CFAP44: variants seen among roughly 807,000 people sequenced by gnomAD.
CFAP44 encodes cilia- and flagella-associated protein 44.
A neutral mutation model predicts 216.2 loss-of-function variants in CFAP44; 134 were observed. The ratio of observed to expected loss-of-function variants is 0.62; its 90% CI spans 0.54 to 0.72. CFAP44 has a LOEUF of 0.72. Ranked by LOEUF, CFAP44 falls within the 30% of genes least tolerant of loss-of-function variation. The pLI, the probability that CFAP44 is intolerant of heterozygous loss-of-function variation, is 0.00. For synonymous variants in CFAP44, 700 were observed against 727.6 expected (o/e 0.96, Z 0.61); for missense variants, 2,035 against 2,182.1 (o/e 0.93, Z 1.34).
intron 25 of CFAP44, among the ~76,000 whole-genome samples, chr3:113,333,080 G>C (rs1296447216): frequency 6.6e-6 from 1 of 152,060 alleles, no homozygotes; most frequent in African/African-American, 2.4e-5. Context: ...GTCAAACTCC[G>C]ACCTAGATTA....
rs759624707 is a variant in CFAP44 at position 113,396,627 on chromosome 3, C to A, written c.1670G>T (p.Arg557Leu). The A allele has an allele frequency of 2.5e-6, 4 of 1,613,878 alleles. No individual in the cohort carries two copies. The highest frequency in any genetic ancestry group is 2.7e-5 in the African/African-American group (2 of 74,882). Residue 557 changes from arginine (R) to leucine (L), a missense_variant, in exon 14 of 35, where the codon CGG becomes CTG. By Grantham distance (102) the Arg-to-Leu change is moderately radical. Transcript: ENST00000393845. ...DPKGLTIFAG[R>L]KKILDADIQL... ...AATATCAGCATCCAAAATTTTCTTC[C>A]GTCCCGCAAAAATCGTGAGCCCTTT...
chr3:113,363,745 T>C (rs1265607657), intron 19 of CFAP44, among the ~76,000 whole-genome samples: 2 of 152,158 alleles, frequency 1.3e-5, no homozygotes, highest in Non-Finnish European at 2.9e-5. Context: ...TTTGAAGGAG[T>C]ACATAGGAAA....
intron 5 of CFAP44, among the ~76,000 whole-genome samples, chr3:113,418,517 A>T (rs1314860044): frequency 6.6e-6 from 1 of 152,168 alleles, no homozygotes; most frequent in Non-Finnish European, 1.5e-5. Flanking sequence ...TAGCCTTGCT[A>T]AAGTATTTCT....
chr3:113,384,220 G>A (rs898572184), intron 15 of CFAP44, among the ~76,000 whole-genome samples: 1 of 151,956 alleles, frequency 6.6e-6, no homozygotes, highest in Non-Finnish European at 1.5e-5. Context: ...CACCACGCCT[G>A]GGTAATTTTT....
At chr3:113,331,831 T>G (rs916828134) in intron 25 of CFAP44, among the ~76,000 whole-genome samples, 2 of 152,064 alleles carry the variant, frequency 1.3e-5, no homozygotes, top group Non-Finnish European at 2.9e-5. Flanking sequence ...TTTAATACTT[T>G]TCAATGATTT....
chr3:113,374,131 T>G (rs9857471), intron 17 of CFAP44, among the ~76,000 whole-genome samples: 60,853 of 151,750 alleles, frequency 0.4, 13,450 homozygotes, highest in African/African-American at 0.58. Context: ...AGAAAGAGAA[T>G]GTAACATCAT....
chr3:113,347,125 C>A (rs1307983402), intron 22 of CFAP44, among the ~76,000 whole-genome samples: 1 of 152,100 alleles, frequency 6.6e-6, no homozygotes, highest in Non-Finnish European at 1.5e-5. Flanking sequence ...ATACTGGACA[C>A]CTGTCAGCCA....
intron 28 of CFAP44, among the ~76,000 whole-genome samples, chr3:113,310,936 ATGCCTCC>A (rs1950031754): frequency 6.6e-6 from 1 of 152,202 alleles, no homozygotes; most frequent in Non-Finnish European, 1.5e-5. Context: ...AGGTGCTGCC[ATGCCTCC>A]TTTATAGCCT....
intron 22 of CFAP44, among the ~76,000 whole-genome samples, chr3:113,355,207 A>C (rs549574883): frequency 6.6e-6 from 1 of 152,182 alleles, no homozygotes; most frequent in Non-Finnish European, 1.5e-5. Flanking sequence ...CTGTTCCCCC[A>C]AAAACCTATT....
Position 113,426,206 on chromosome 3 carries a change from A to G in CFAP44, c.325T>C (p.Phe109Leu), listed in dbSNP as rs1324002374. ...GCAAGCTCCATATAATCATAGAAGA[A>G]GCTCTCTGATATTTTCTTCTTAACT... is the stretch of plus-strand genomic sequence containing the variant. ...EEVKKKISES[F>L]FYDYMELASM... The change falls in exon 4 of 35, where the codon TTC (phenylalanine) becomes CTC (leucine). Residue 109 changes from phenylalanine (F) to leucine (L), a missense_variant. Around this residue, in one of 3 missense-constraint regions of CFAP44, gnomAD observed 149 missense variants for 141.8 expected, o/e 1.05. Transcript: ENST00000393845. 2 of 1,614,020 alleles carry G rather than the reference A, an allele frequency of 1.2e-6. No homozygotes were observed. The highest frequency in any genetic ancestry group is 2.7e-5 in the African/African-American group (2 of 74,934).
At chr3:113,407,169 T>C (rs1273065944) in intron 7 of CFAP44, 128 bp from the exon 8 acceptor site, 7 of 740,268 alleles carry the variant, frequency 9.5e-6, no homozygotes, top group Non-Finnish European at 1.4e-5. Context: ...TTTATCTGAT[T>C]AAGATTTATT....
At chr3:113,305,366 T>C (rs1233633628) in intron 30 of CFAP44, among the ~76,000 whole-genome samples, 2 of 152,238 alleles carry the variant, frequency 1.3e-5, no homozygotes, top group Admixed American at 1.3e-4. Context: ...GTCATTTCTA[T>C]GACTCCAGAG....
intron 21 of CFAP44, among the ~76,000 whole-genome samples, chr3:113,361,555 C>T (rs1310902046): frequency 2.7e-5 from 4 of 148,500 alleles, no homozygotes; most frequent in East Asian, 3.9e-4. Context: ...AGTGCAGTGA[C>T]GTGATCTCGG....
At chr3:113,406,748 A>G (rs1212813689) in intron 8 of CFAP44, among the ~76,000 whole-genome samples, 179 bp downstream of exon 8, 1 of 152,224 alleles carries the variant, frequency 6.6e-6, no homozygotes, top group Non-Finnish European at 1.5e-5. Context: ...ATGGATTATG[A>G]CAATTTCAGG....
At chr3:113,304,214 GT>G (rs1949964251) in intron 31 of CFAP44, 97 bp from the exon 32 acceptor site, 1 of 1,276,250 alleles carries the variant, frequency 7.8e-7, no homozygotes, top group African/African-American at 1.5e-5. Context: ...TTTGCCCCTT[GT>G]TTAGCTCCTT....
At chr3:113,390,159 G>C (rs1175607803) in intron 15 of CFAP44, among the ~76,000 whole-genome samples, 1 of 152,186 alleles carries the variant, frequency 6.6e-6, no homozygotes, top group East Asian at 1.9e-4. Flanking sequence ...TGGCCAAGTG[G>C]GAATTATCCC....
At chr3:113,348,816 G>A (rs895559479) in intron 22 of CFAP44, among the ~76,000 whole-genome samples, 11 of 152,150 alleles carry the variant, frequency 7.2e-5, no homozygotes, top group Non-Finnish European at 1.2e-4. Context: ...AGATGATCCC[G>A]ATAGGTACAC....
intron 1 of CFAP44, among the ~76,000 whole-genome samples, chr3:113,440,490 T>TGTAGATGACA (rs1488454391): frequency 8.1e-4 from 123 of 152,358 alleles, no homozygotes; most frequent in African/African-American, 2.8e-3. Context: ...GATTTCCAAG[T>TGTAGATGACA]CCTGTTACTT....
At chr3:113,361,956 A>G (rs185114918) in intron 21 of CFAP44, among the ~76,000 whole-genome samples, 1 of 152,058 alleles carries the variant, frequency 6.6e-6, no homozygotes, top group Admixed American at 6.5e-5. Context: ...CAAGTGTTAT[A>G]AGATTAAATG....
Sources: gnomAD v4.1 joint callset for allele counts (sites outside exome capture counted in the v4.1 genomes callset) on GRCh38, gnomAD v4.1.1 for gene constraint, gnomAD v4.1.1 regional missense constraint, MANE v1.5 for transcripts, NCBI Gene and HGNC (gene_info 2026-07-23, HGNC 2026-07-21) for gene names.